Variants in PKNOX1 observed in about 807,000 individuals in gnomAD.
PKNOX1 encodes PBX/knotted 1 homeobox 1, also known as homeobox protein PKNOX1.
In PKNOX1, 15 loss-of-function variants were observed where a neutral mutation model predicts 51.9. The ratio of observed to expected loss-of-function variants is 0.29; its 90% CI spans 0.19 to 0.45. The LOEUF (loss-of-function observed/expected upper bound fraction) is 0.45. PKNOX1 is among the 20% of genes least tolerant of loss of function. The probability of loss-of-function intolerance (pLI) is 1.00; values close to 1 mark genes in which losing one functional copy is unlikely to be tolerated. For synonymous variants in PKNOX1, 219 were observed against 211.1 expected (o/e 1.04, Z -0.32); for missense variants, 462 against 547.5 (o/e 0.84, Z 1.56).
chr21:43,013,591 A>G (rs984982709), intron 5 of PKNOX1, among the ~76,000 whole-genome samples: 1 of 152,196 alleles, frequency 6.6e-6, no homozygotes, highest in African/African-American at 2.4e-5. Context: ...TTACAGTTCA[A>G]TGGTGTTAAG....
At position 43,030,083 on chromosome 21, in the gene PKNOX1, C is replaced by G; in HGVS notation, c.1293C>G (p.Asn431Lys). 1 of 1,602,120 alleles carries G rather than the reference C, an allele frequency of 6.2e-7. No individual in the cohort carries two copies. Among genetic ancestry groups the G allele is most frequent in the Non-Finnish European group, 8.5e-7 (1 of 1,170,244 alleles). The part of the protein sequence containing the change: ...PAHISGLVLE[N>K]SDSLQ ...ACATCAGCGGGCTGGTCTTGGAGAA[C>G]AGTGACTCCCTGCAGTAGGGGCAGG... is the stretch of plus-strand genomic sequence containing the variant. The change falls in exon 11 of 11, where the codon AAC becomes AAG. Residue 431 changes from asparagine to lysine, a missense_variant. Coordinates refer to ENST00000291547, the MANE Select transcript of PKNOX1 (RefSeq NM_004571.5).
chr21:42,989,652 C>T (rs1358520037), intron 1 of PKNOX1, among the ~76,000 whole-genome samples: 3 of 152,112 alleles, frequency 2.0e-5, no homozygotes, highest in Admixed American at 2.0e-4. Flanking sequence ...CTCCTGACCT[C>T]AAGTAATCTG....
chr21:43,014,078 G>A (rs9979137), intron 5 of PKNOX1, among the ~76,000 whole-genome samples: 9,922 of 143,218 alleles, frequency 0.069, 1,038 homozygotes, highest in African/African-American at 0.22. Context: ...CTGGAGTGCA[G>A]TGGCGCGATC....
intron 3 of PKNOX1, 174 bp downstream of exon 3, chr21:43,007,792 G>T: frequency 1.6e-6 from 1 of 628,674 alleles, no homozygotes. Context: ...GGCCAGGTGT[G>T]GTGGCTCATG....
chr21:43,029,905 T>C lies in PKNOX1; in HGVS notation c.1115T>C (p.Ile372Thr). The stretch of plus-strand genomic sequence containing the variant: ...CCTGCCGCAGGAGCTGTTGTCACCA[T>C]CACCACGCCCGTGAACATGAACGTG... The part of the protein sequence containing the change: ...LTMSEGAVVT[I>T]TTPVNMNVDS... The change falls in exon 11 of 11, where the codon ATC becomes ACC. Residue 372 changes from isoleucine to threonine, a missense_variant. Coordinates refer to ENST00000291547, the MANE Select transcript of PKNOX1 (RefSeq NM_004571.5). 1 of 1,613,678 alleles carries C rather than the reference T, an allele frequency of 6.2e-7. No individual in the cohort carries two copies. Among genetic ancestry groups the C allele is most frequent in the Non-Finnish European group, 8.5e-7 (1 of 1,179,704 alleles).
At chr21:42,977,509 C>T (rs1288102790) in intron 1 of PKNOX1, among the ~76,000 whole-genome samples, 2 of 148,188 alleles carry the variant, frequency 1.3e-5, no homozygotes, top group Non-Finnish European at 3.0e-5. Context: ...TTCCTTAAAC[C>T]TCATGAACCA....
intron 1 of PKNOX1, among the ~76,000 whole-genome samples, chr21:42,998,126 A>G (rs1181822745): frequency 1.3e-5 from 2 of 152,222 alleles, no homozygotes; most frequent in African/African-American, 4.8e-5. Flanking sequence ...TTACAGTTCC[A>G]TATGGCTGGG....
intron 5 of PKNOX1, 140 bp from the exon 6 acceptor site, chr21:43,016,768 C>T (rs769823411): frequency 7.1e-6 from 4 of 566,524 alleles, no homozygotes; most frequent in Admixed American, 3.1e-5. Context: ...CATTCTGAAG[C>T]CGCGTCATCT....
chr21:42,986,893 A>C (rs867305386), intron 1 of PKNOX1, among the ~76,000 whole-genome samples: 6 of 152,280 alleles, frequency 3.9e-5, no homozygotes, highest in Non-Finnish European at 8.8e-5. Flanking sequence ...GTGGCTGCTC[A>C]TTAGTCAACA....
intron 1 of PKNOX1, among the ~76,000 whole-genome samples, chr21:42,989,345 A>C (rs2059074043): frequency 1.3e-5 from 2 of 151,518 alleles, no homozygotes; most frequent in South Asian, 4.2e-4. Flanking sequence ...TTTCTCATGG[A>C]TCTTTTGACT....
intron 1 of PKNOX1, among the ~76,000 whole-genome samples, chr21:42,996,163 C>T (rs945249033): frequency 1.3e-5 from 2 of 152,098 alleles, no homozygotes; most frequent in Non-Finnish European, 2.9e-5. Context: ...TGCATGATTG[C>T]ACCACTGTAC....
At chr21:42,982,798 C>T (rs371657983) in intron 1 of PKNOX1, among the ~76,000 whole-genome samples, 1 of 150,894 alleles carries the variant, frequency 6.6e-6, no homozygotes, top group East Asian at 2.0e-4. Flanking sequence ...AATTTAGTTA[C>T]GTATTTGAGC....
rs936001836 is a variant in PKNOX1, at chr21:42,988,915, C to T, written c.-57+14251C>T. ...GACCCTGCGGGCTGGATGAGGACCCCTCACTGGTCTTTGGCTTCTCAGGCT... is the reference window on the plus strand; with the variant it reads ...GACCCTGCGGGCTGGATGAGGACCCTTCACTGGTCTTTGGCTTCTCAGGCT... On this transcript the variant is annotated intron_variant, in intron 1 of 10. Coordinates refer to ENST00000291547, the MANE Select transcript of PKNOX1 (RefSeq NM_004571.5). 8.0e-5 allele frequency among the ~76,000 whole-genome samples: 12 copies of T among 150,612 alleles called. No homozygotes were observed. The South Asian group carries it at 2.4e-3, about 30-fold the overall frequency.
chr21:43,029,420 C>CTTTTTTTTTT (rs1568906878), intron 10 of PKNOX1, among the ~76,000 whole-genome samples: 2 of 87,504 alleles, frequency 2.3e-5, no homozygotes, highest in African/African-American at 4.2e-5. Context: ...TATTTGTTTG[C>CTTTTTTTTTT]TTTGTTTTTT....
Position 42,984,737 on chromosome 21 carries a change from C to T in PKNOX1, c.-57+10073C>T, listed in dbSNP as rs7278023. Among the ~76,000 whole-genome samples, 196 of 151,894 alleles carry T rather than the reference C, an allele frequency of 1.3e-3. 1 individual carries two copies. Among genetic ancestry groups the T allele is most frequent in the African/African-American group, 4.5e-3 (187 of 41,442 alleles). On this transcript the variant is annotated intron_variant, in intron 1 of 10. Transcript: ENST00000291547. ...ACGGCCATGCTCTATGTTGTGGAGC[C>T]TTTTGAGTATTTAGGTTTTGATACT...
At chr21:43,000,651 C>T (rs142444059) in intron 1 of PKNOX1, among the ~76,000 whole-genome samples, 2,156 of 152,258 alleles carry the variant, frequency 0.014, 57 homozygotes, top group African/African-American at 0.049. Flanking sequence ...CTTTGGGAGG[C>T]TGAGGCAGGA....
At chr21:42,983,756 AT>A (rs1417188292) in intron 1 of PKNOX1, among the ~76,000 whole-genome samples, 3 of 152,068 alleles carry the variant, frequency 2.0e-5, no homozygotes, top group Admixed American at 1.3e-4. Context: ...TTTTAATTTA[AT>A]TTATTTTTTA....
chr21:43,008,061 T>TCTCTCACACACACA (rs59792199), intron 3 of PKNOX1, among the ~76,000 whole-genome samples: 1,516 of 146,830 alleles, frequency 0.01, 9 homozygotes, highest in South Asian at 0.024. Context: ...CAAAACTCTG[T>TCTCTCACACACACA]CACACACACA....
In PKNOX1 at chr21:42,990,031, G is replaced by A. The variant is rs111575177; in HGVS notation, c.-56-14295G>A. ...GAGGGTTGCTTGAGTGAGGGAGGTC[G>A]AGGCTGCAGTGAGCCAGATGGTGCC... On this transcript the variant is annotated intron_variant, in intron 1 of 10. Transcript: ENST00000291547. Among the ~76,000 whole-genome samples the A allele has an allele frequency of 5.9e-5, 9 of 152,054 alleles. 1 individual carries two copies. Among genetic ancestry groups the A allele is most frequent in the South Asian group, 2.1e-4 (1 of 4,818 alleles).
Sources: allele counts gnomAD v4.1 joint callset (sites outside exome capture counted in the v4.1 genomes callset), GRCh38; gene constraint gnomAD v4.1.1; transcripts MANE v1.5; gene names NCBI Gene and HGNC (gene_info 2026-07-23, HGNC 2026-07-21).